The following SOX6 variants were observed in gnomAD, a reference collection of about 807,000 sequenced individuals.
SOX6 encodes SRY-box transcription factor 6, also known as transcription factor SOX-6.
Under a neutral mutation model 97.8 loss-of-function variants are expected in SOX6, and 11 were observed. The observed-to-expected ratio is 0.11, with a 90% CI of 0.07 to 0.19. SOX6 has a LOEUF of 0.19. Ranked by LOEUF, SOX6 falls within the 10% of genes least tolerant of loss-of-function variation. The pLI is 1.00. For missense variants in SOX6, 810 were observed against 1,039.5 expected (o/e 0.78, Z 3.04); for synonymous variants, 360 against 371.4 (o/e 0.97, Z 0.35).
intron 3 of SOX6, among the ~76,000 whole-genome samples, chr11:16,235,036 A>G (rs190849276): frequency 7.9e-5 from 12 of 152,116 alleles, no homozygotes; most frequent in African/African-American, 2.9e-4. Flanking sequence ...AATCCAGGCA[A>G]TATTTTTTAA....
At chr11:16,103,637 G>A (rs1036445461) in intron 7 of SOX6, among the ~76,000 whole-genome samples, 5 of 151,772 alleles carry the variant, frequency 3.3e-5, no homozygotes, top group African/African-American at 4.8e-5. Context: ...ATCAATCTAC[G>A]CATGGATAAA....
At chr11:16,078,203 T>G (rs1464949372) in intron 9 of SOX6, among the ~76,000 whole-genome samples, 1 of 152,202 alleles carries the variant, frequency 6.6e-6, no homozygotes, top group African/African-American at 2.4e-5. Context: ...CTGAAGAGAT[T>G]CAGTTCTCTG....
At chr11:16,349,294 T>C (rs1856846059) in intron 1 of SOX6, among the ~76,000 whole-genome samples, 1 of 152,128 alleles carries the variant, frequency 6.6e-6, no homozygotes, top group South Asian at 2.1e-4. Flanking sequence ...GCTTTTTCCA[T>C]CAATAATGTC....
At chr11:16,506,266 G>A (rs1160900903) in intron 4 of SOX6, among the ~76,000 whole-genome samples, 1 of 152,182 alleles carries the variant, frequency 6.6e-6, no homozygotes, top group Non-Finnish European at 1.5e-5. Flanking sequence ...TGGCCTGAAT[G>A]AGAGACAAGG....
chr11:16,105,170 T>C (rs531013517), intron 7 of SOX6, among the ~76,000 whole-genome samples: 3 of 151,822 alleles, frequency 2.0e-5, no homozygotes, highest in African/African-American at 7.2e-5. Context: ...ACAAATCCAA[T>C]GGCAAATTAA....
At chr11:16,707,900 G>A (rs1018578562) in intron 3 of SOX6, among the ~76,000 whole-genome samples, 9 of 151,998 alleles carry the variant, frequency 5.9e-5, no homozygotes, top group Non-Finnish European at 1.0e-4. Context: ...TACTATACTA[G>A]GAACTGAATC....
intron 4 of SOX6, among the ~76,000 whole-genome samples, chr11:16,205,506 A>G (rs1164077049): frequency 6.6e-6 from 1 of 152,144 alleles, no homozygotes; most frequent in East Asian, 1.9e-4. Flanking sequence ...GAAACAAGGT[A>G]TCAAAATAAC....
intron 3 of SOX6, among the ~76,000 whole-genome samples, chr11:16,649,576 G>A (rs1849062954): frequency 6.6e-6 from 1 of 152,138 alleles, no homozygotes; most frequent in Admixed American, 6.6e-5. Context: ...AATGCTGAGA[G>A]AATTTGCCAC....
chr11:16,504,648 C>A lies in SOX6; in HGVS notation n.610-28260G>T, dbSNP rs117314999. Reference sequence around the variant, plus strand: ...GGAAAAATTAATATTGTTAAAATAACAGATATGGTTTGGCTCTGCGTCCCC... The same window carrying A: ...GGAAAAATTAATATTGTTAAAATAAAAGATATGGTTTGGCTCTGCGTCCCC... On this transcript the variant is annotated intron_variant and non_coding_transcript_variant, in intron 4 of 5. Transcript: ENST00000524520. Among the ~76,000 whole-genome samples the A allele has an allele frequency of 7.4e-3, 1,125 of 152,156 alleles. 7 individuals are homozygous for A. The highest frequency in any genetic ancestry group is 0.02 in the Middle Eastern group (6 of 294).
chr11:16,296,035 C>T (rs1289558104), intron 3 of SOX6, among the ~76,000 whole-genome samples: 3 of 151,996 alleles, frequency 2.0e-5, no homozygotes, highest in African/African-American at 4.8e-5. Flanking sequence ...TAGGCCCTTC[C>T]TATGGAGTTA....
At chr11:16,293,383 GA>G (rs1173821506) in intron 3 of SOX6, among the ~76,000 whole-genome samples, 2 of 152,142 alleles carry the variant, frequency 1.3e-5, no homozygotes, top group Non-Finnish European at 2.9e-5. Context: ...GTTATTTATA[GA>G]AACTTAGGCA....
upstream of SOX6, among the ~76,000 whole-genome samples, chr11:16,476,674 T>A (rs185266701): frequency 7.0e-3 from 1,060 of 152,060 alleles, 9 homozygotes; most frequent in African/African-American, 0.024. Flanking sequence ...AGGGAAAAAA[T>A]TTTTAAGAGA....
At chr11:16,608,979 T>C (rs551127447) in intron 4 of SOX6, among the ~76,000 whole-genome samples, 21 of 152,172 alleles carry the variant, frequency 1.4e-4, no homozygotes, top group Non-Finnish European at 2.5e-4. Context: ...AAAATTATGT[T>C]AATAAAAGAC....
intron 14 of SOX6, among the ~76,000 whole-genome samples, chr11:15,987,663 A>G (rs1273868734): frequency 1.3e-5 from 2 of 151,852 alleles, no homozygotes; most frequent in Non-Finnish European, 2.9e-5. Context: ...AGTTAGATAT[A>G]AAACTGTAAG....
At chr11:16,423,879 A>G (rs144232568) in intron 1 of SOX6, among the ~76,000 whole-genome samples, 165 of 152,306 alleles carry the variant, frequency 1.1e-3, no homozygotes, top group African/African-American at 3.8e-3. Context: ...TTTGTTTTAT[A>G]AGCAGAAAAA....
chr11:15,974,812 C>T (rs1853424400), intron 15 of SOX6, among the ~76,000 whole-genome samples: 1 of 152,164 alleles, frequency 6.6e-6, no homozygotes, highest in African/African-American at 2.4e-5. Flanking sequence ...CACATCATAT[C>T]CCTAACATAA....
intron 4 of SOX6, among the ~76,000 whole-genome samples, chr11:16,585,679 TAC>T (rs370407719): frequency 4.2e-5 from 5 of 118,718 alleles, no homozygotes; most frequent in Non-Finnish European, 8.6e-5. Context: ...TTTTTTTTTT[TAC>T]TTTTTTTTTT....
At chr11:16,333,852 A>C (rs979091581) in intron 2 of SOX6, among the ~76,000 whole-genome samples, 1 of 152,206 alleles carries the variant, frequency 6.6e-6, no homozygotes, top group African/African-American at 2.4e-5. Context: ...AGTTGACAGG[A>C]AAAGTCAAAC....
rs189799554 is a variant in SOX6 at position 16,162,464 on chromosome 11, T to A, written c.777+21422A>T. On this transcript the variant is annotated intron_variant, in intron 6 of 15. Coordinates refer to ENST00000683767, the MANE Select transcript of SOX6 (RefSeq NM_001367873.1). ...GAGGTGTTTGGATCATGGGTGTGGA[T>A]CCCACGTGGCTTGGTGCTGGCTTCA... 7.2e-5 allele frequency among the ~76,000 whole-genome samples: 11 copies of A among 152,236 alleles called. No homozygotes were observed. The East Asian group carries it at 2.1e-3, about 29-fold the overall frequency.
Sources: allele counts gnomAD v4.1 joint callset (sites outside exome capture counted in the v4.1 genomes callset), GRCh38; gene constraint gnomAD v4.1.1; transcripts MANE v1.5; gene names NCBI Gene and HGNC (gene_info 2026-07-23, HGNC 2026-07-21).